The following STARD13 variants were observed in gnomAD, a reference collection of about 807,000 sequenced individuals.
STARD13 encodes the protein StAR related lipid transfer domain containing 13, also known as stAR-related lipid transfer protein 13.
STARD13 carries 62 observed loss-of-function variants against 106.4 expected under a neutral mutation model. That is an observed-to-expected ratio of 0.58 (90% confidence interval 0.48 to 0.72). The LOEUF is 0.72. STARD13 is among the 30% of genes least tolerant of loss of function. The pLI is 0.00. For missense variants in STARD13, 1,387 were observed against 1,424.0 expected, an observed-to-expected ratio of 0.97 and a Z score of 0.42; for synonymous variants, 565 against 553.0, an observed-to-expected ratio of 1.02 and a Z score of -0.31.
the STARD13 span, among the ~76,000 whole-genome samples, chr13:33,400,938 C>T: frequency 2.0e-5 from 3 of 152,210 alleles, no homozygotes; most frequent in Non-Finnish European, 2.9e-5. Flanking sequence ...GTCAAAACGA[C>T]TCAGGAGCCA....
At chr13:33,269,202 C>A (rs971951043) in intron 1 of STARD13, among the ~76,000 whole-genome samples, 1 of 152,186 alleles carries the variant, frequency 6.6e-6, no homozygotes, top group South Asian at 2.1e-4. Context: ...AGTAACTACC[C>A]TTTTCCCTAA....
chr13:33,528,543 G>GT, the STARD13 span, among the ~76,000 whole-genome samples: 1 of 151,636 alleles, frequency 6.6e-6, no homozygotes, highest in Non-Finnish European at 1.5e-5. Flanking sequence ...AAAGTCCTGG[G>GT]TTTACAGGCA....
chr13:33,484,568 C>T, the STARD13 span, among the ~76,000 whole-genome samples: 1 of 152,266 alleles, frequency 6.6e-6, no homozygotes, highest in Non-Finnish European at 1.5e-5. Flanking sequence ...CCCAACCAAT[C>T]AGCAGCACCC....
the STARD13 span, among the ~76,000 whole-genome samples, chr13:33,604,840 G>C: frequency 0.032 from 4,826 of 151,150 alleles, 121 homozygotes; most frequent in African/African-American, 0.065. Flanking sequence ...TGTCTAAAAA[G>C]CTAGATCTCT....
At chr13:33,113,200 C>T in intron 8 of STARD13, 1 of 493,482 alleles carries the variant, frequency 2.0e-6, no homozygotes, top group Non-Finnish European at 3.6e-6. Context: ...AGGGGCACCA[C>T]CATCCTGGTT....
chr13:33,155,489 T>C (rs971726921), intron 3 of STARD13: 6 of 152,240 alleles, frequency 3.9e-5, no homozygotes, highest in Middle Eastern at 3.4e-3. Flanking sequence ...ACCTGAAATA[T>C]ACATAGAGAA....
upstream of STARD13, chr13:33,285,806 G>A (rs1015527057): frequency 1.4e-6 from 2 of 1,409,276 alleles, no homozygotes; most frequent in Non-Finnish European, 1.8e-6. Context: ...AACCCCCGGG[G>A]CCCTCACGTG....
chr13:33,564,765 G>A, the STARD13 span, among the ~76,000 whole-genome samples: 1 of 146,588 alleles, frequency 6.8e-6, no homozygotes, highest in South Asian at 2.2e-4. Flanking sequence ...AGGCTGAGGT[G>A]GGCGGATCAT....
chr13:33,506,398 A>G, the STARD13 span, among the ~76,000 whole-genome samples: 1 of 152,208 alleles, frequency 6.6e-6, no homozygotes, highest in Non-Finnish European at 1.5e-5. Flanking sequence ...TAAGCCTATC[A>G]CTGACAATTT....
the STARD13 span, among the ~76,000 whole-genome samples, chr13:33,457,194 T>C: frequency 6.6e-6 from 1 of 152,236 alleles, no homozygotes; most frequent in Admixed American, 6.5e-5. Context: ...AAAATTGGCT[T>C]TCCTGAAGAA....
chr13:33,336,448 T>C (rs1005664977), intron 1 of STARD13: 1 of 152,128 alleles, frequency 6.6e-6, no homozygotes, highest in African/African-American at 2.4e-5. Flanking sequence ...TGGCCTAGAA[T>C]TGGCTGATTA....
chr13:33,557,322 A>G, the STARD13 span, among the ~76,000 whole-genome samples: 1 of 152,122 alleles, frequency 6.6e-6, no homozygotes, highest in Non-Finnish European at 1.5e-5. Context: ...CGATGTAATG[A>G]CTTGTGATGA....
chr13:33,456,079 A>G, the STARD13 span, among the ~76,000 whole-genome samples: 1 of 152,220 alleles, frequency 6.6e-6, no homozygotes, highest in Non-Finnish European at 1.5e-5. Context: ...AGCCATGAGC[A>G]TTTGTTTATA....
the STARD13 span, among the ~76,000 whole-genome samples, chr13:33,552,298 C>A: frequency 6.6e-6 from 1 of 152,130 alleles, no homozygotes; most frequent in East Asian, 1.9e-4. Context: ...GACTACTGAT[C>A]CACCAACTCT....
chr13:33,508,548 G>T, the STARD13 span, among the ~76,000 whole-genome samples: 2 of 152,128 alleles, frequency 1.3e-5, no homozygotes, highest in Non-Finnish European at 2.9e-5. Flanking sequence ...TATATTATTT[G>T]CACTGAAGCG....
chr13:33,595,345 A>G, the STARD13 span, among the ~76,000 whole-genome samples: 1 of 152,212 alleles, frequency 6.6e-6, no homozygotes, highest in Non-Finnish European at 1.5e-5. Flanking sequence ...AACTATGTGG[A>G]TCATCTAGAG....
At chr13:33,350,532 C>G in exon 1 of STARD13, 6 of 1,439,180 alleles carry the variant, frequency 4.2e-6, no homozygotes, top group Non-Finnish European at 5.5e-6. Context: ...GGTCCCGGGA[C>G]CCAATGCGGG....
intron 7 of STARD13, among the ~76,000 whole-genome samples, chr13:33,124,309 T>TAA (rs1876817870): frequency 6.6e-6 from 1 of 152,202 alleles, no homozygotes. Flanking sequence ...GGGTGCATTA[T>TAA]AAGGTGGTGA....
At chr13:33,625,753 A>G in the STARD13 span, among the ~76,000 whole-genome samples, 18,281 of 151,370 alleles carry the variant, frequency 0.12, 2,793 homozygotes, top group African/African-American at 0.36. Context: ...CCAGGCTAGA[A>G]TGCGGTGGCA....
Sources: gnomAD v4.1 joint callset for allele counts (sites outside exome capture counted in the v4.1 genomes callset) on GRCh38, gnomAD v4.1.1 for gene constraint, MANE v1.5 for transcripts, NCBI Gene and HGNC (gene_info 2026-07-23, HGNC 2026-07-21) for gene names.